Variants in AKT3 observed in about 807,000 individuals in gnomAD.
The protein encoded by AKT3 is AKT serine/threonine kinase 3.
In AKT3, 15 loss-of-function variants were observed where a neutral mutation model predicts 65.3. The observed-to-expected ratio is 0.23, with a 90% CI of 0.15 to 0.35. AKT3 has a LOEUF of 0.35. AKT3 is among the 10% of genes least tolerant of loss of function. AKT3 has a pLI of 1.00. For synonymous variants in AKT3, 206 were observed against 183.8 expected (o/e 1.12, Z -0.98); for missense variants, 243 against 576.5 (o/e 0.42, Z 5.92).
intron 13 of AKT3, among the ~76,000 whole-genome samples, chr1:243,508,655 CTTTT>C (rs369887012): frequency 1.4e-4 from 15 of 108,278 alleles, no homozygotes; most frequent in Admixed American, 2.8e-4. Context: ...AAAAGCCAGA[CTTTT>C]TTTTTTTTTT....
rs556016894 is a variant in AKT3 at position 243,717,436 on chromosome 1, A to C, written c.47-21720T>G. On this transcript the variant is annotated intron_variant, in intron 2 of 13. Coordinates refer to ENST00000673466, the MANE Select transcript of AKT3 (RefSeq NM_005465.7). ...CCAATGGTCATTGTCAGAGATTTAA[A>C]ATTTAGTTTATCATTTTAAAAAATT... Among the ~76,000 whole-genome samples the C allele has an allele frequency of 7.9e-5, 12 of 152,288 alleles. No individual in the cohort carries two copies. The East Asian group carries it at 2.3e-3, about 29-fold the overall frequency.
At chr1:243,681,693 A>T (rs2147976982) in intron 3 of AKT3, among the ~76,000 whole-genome samples, 1 of 152,296 alleles carries the variant, frequency 6.6e-6, no homozygotes, top group East Asian at 1.9e-4. Flanking sequence ...GTCATCTCTG[A>T]ACACCATATA....
At chr1:243,534,807 A>G (rs775385263) in intron 12 of AKT3, among the ~76,000 whole-genome samples, 30 of 152,212 alleles carry the variant, frequency 2.0e-4, no homozygotes, top group Non-Finnish European at 2.6e-4. Context: ...TGAAAATAAA[A>G]CATCAAAATT....
intron 2 of AKT3, among the ~76,000 whole-genome samples, chr1:243,714,382 A>G (rs1045939621): frequency 1.3e-5 from 2 of 152,220 alleles, no homozygotes; most frequent in Non-Finnish European, 2.9e-5. Context: ...AACACTAATG[A>G]ATACAAGTTC....
At chr1:243,792,412 C>G (rs748976568) in intron 2 of AKT3, among the ~76,000 whole-genome samples, 2 of 152,084 alleles carry the variant, frequency 1.3e-5, no homozygotes, top group Non-Finnish European at 2.9e-5. Flanking sequence ...TCCAGTTTTG[C>G]TGACAAGATA....
intron 8 of AKT3, among the ~76,000 whole-genome samples, chr1:243,585,481 C>CT: frequency 6.6e-6 from 1 of 152,136 alleles, no homozygotes; most frequent in Non-Finnish European, 1.5e-5. Context: ...AATTACCTGC[C>CT]TTCGAACCAT....
At chr1:243,643,612 T>C (rs1473903001) in intron 5 of AKT3, among the ~76,000 whole-genome samples, 2 of 152,226 alleles carry the variant, frequency 1.3e-5, no homozygotes, top group African/African-American at 4.8e-5. Flanking sequence ...CCCAACATCC[T>C]TCCTTTCCAA....
chr1:243,782,289 AC>A (rs147764338), intron 2 of AKT3, among the ~76,000 whole-genome samples: 3,051 of 152,326 alleles, frequency 0.02, 92 homozygotes, highest in African/African-American at 0.069. Flanking sequence ...GGCAACTGTA[AC>A]AAAAATACCA....
At chr1:243,749,555 GAACT>G (rs1039696212) in intron 2 of AKT3, among the ~76,000 whole-genome samples, 3 of 152,094 alleles carry the variant, frequency 2.0e-5, no homozygotes, top group Non-Finnish European at 2.9e-5. Context: ...TAGTTTTCAA[GAACT>G]AACCCCTCTT....
chr1:243,771,433 A>C (rs188671527), intron 2 of AKT3, among the ~76,000 whole-genome samples: 1 of 152,266 alleles, frequency 6.6e-6, no homozygotes, highest in East Asian at 1.9e-4. Flanking sequence ...TGGATATTTT[A>C]AGACTGCTTA....
intron 12 of AKT3, among the ~76,000 whole-genome samples, chr1:243,517,299 G>A (rs558455899): frequency 1.8e-4 from 27 of 152,240 alleles, no homozygotes; most frequent in Admixed American, 8.5e-4. Flanking sequence ...GTTGGGTAGC[G>A]TGTTCCATAA....
rs1444743280 is a variant in AKT3, at chr1:243,500,346, C to CTT, written c.*4901_*4902dup. On this transcript the variant is annotated 3_prime_UTR_variant, in exon 14 of 14. Coordinates refer to ENST00000673466, the MANE Select transcript of AKT3 (RefSeq NM_005465.7). ...ACACCAGGAAGCACTATGCATTACT[C>CTT]TTTCCATTCTGTTAAACAACGAAAA... 12 of 225,268 alleles carry CTT rather than the reference C, an allele frequency of 5.3e-5. No homozygotes were observed. The highest frequency in any genetic ancestry group is 2.7e-4 in the African/African-American group (12 of 44,908). The allele number at this position is 225,268 out of a possible 1,614,324, so 14.0% of individuals were successfully genotyped here.
chr1:243,646,776 A>G (rs1680852548), intron 4 of AKT3, among the ~76,000 whole-genome samples: 1 of 152,186 alleles, frequency 6.6e-6, no homozygotes, highest in Non-Finnish European at 1.5e-5. Flanking sequence ...CAGACATTCC[A>G]AGGAAAGGTT....
At chr1:243,756,604 T>G (rs1443687759) in intron 2 of AKT3, among the ~76,000 whole-genome samples, 1 of 152,232 alleles carries the variant, frequency 6.6e-6, no homozygotes, top group Non-Finnish European at 1.5e-5. Context: ...AGAGTTTCCT[T>G]ATAAGAGAAT....
At chr1:243,584,981 G>A (rs986185122) in intron 8 of AKT3, among the ~76,000 whole-genome samples, 2 of 152,030 alleles carry the variant, frequency 1.3e-5, no homozygotes, top group African/African-American at 4.8e-5. Flanking sequence ...TACTGATAAT[G>A]ATTCGATACT....
At chr1:243,544,642 AAAGT>A (rs961844687) in intron 12 of AKT3, among the ~76,000 whole-genome samples, 7 of 152,050 alleles carry the variant, frequency 4.6e-5, no homozygotes, top group Admixed American at 3.9e-4. Context: ...AAATGAATAA[AAAGT>A]AATAAGCAGA....
intron 4 of AKT3, among the ~76,000 whole-genome samples, chr1:243,657,427 T>A (rs1681890678): frequency 6.6e-6 from 1 of 152,152 alleles, no homozygotes; most frequent in South Asian, 2.1e-4. Flanking sequence ...ACTTTAGGAA[T>A]AAACTTAACC....
At chr1:243,578,608 A>C (rs1446573320) in intron 8 of AKT3, among the ~76,000 whole-genome samples, 2 of 152,176 alleles carry the variant, frequency 1.3e-5, no homozygotes, top group African/African-American at 4.8e-5. Context: ...TGATGGGTTG[A>C]TAGGTGCAGC....
intron 6 of AKT3, among the ~76,000 whole-genome samples, chr1:243,634,786 C>T (rs1192191565): frequency 6.6e-6 from 1 of 151,740 alleles, no homozygotes; most frequent in African/African-American, 2.4e-5. Flanking sequence ...ATAACAAGAC[C>T]ATCAAAATAT....
Sources: gnomAD v4.1 joint callset for allele counts (sites outside exome capture counted in the v4.1 genomes callset) on GRCh38, gnomAD v4.1.1 for gene constraint, MANE v1.5 for transcripts, NCBI Gene and HGNC (gene_info 2026-07-23, HGNC 2026-07-21) for gene names.